Variants in IMMP2L observed in about 807,000 individuals in gnomAD.
IMMP2L encodes mitochondrial inner membrane protease subunit 2.
IMMP2L carries 18 observed loss-of-function variants against 19.3 expected under a neutral mutation model. That is an observed-to-expected ratio of 0.93 (90% CI 0.64 to 1.38). The LOEUF (loss-of-function observed/expected upper bound fraction) is 1.38, where lower values mean the gene tolerates loss of function less well. IMMP2L is among the 40% of genes most tolerant of loss of function. The pLI is 0.00. For synonymous variants in IMMP2L, 76 were observed against 73.0 expected (o/e 1.04, Z -0.21); for missense variants, 233 against 218.2 (o/e 1.07, Z -0.43).
At chr7:110,772,280 G>A (rs550075617) in intron 5 of IMMP2L, among the ~76,000 whole-genome samples, 1 of 152,272 alleles carries the variant, frequency 6.6e-6, no homozygotes, top group East Asian at 1.9e-4. Flanking sequence ...TATGGCATGA[G>A]GTCCCACATC....
intron 3 of IMMP2L, among the ~76,000 whole-genome samples, chr7:111,120,392 C>T (rs1800445889): frequency 6.6e-6 from 1 of 152,004 alleles, no homozygotes; most frequent in Non-Finnish European, 1.5e-5. Flanking sequence ...AGACATTTCC[C>T]CTATAAAAAC....
chr7:111,033,230 AATATC>A (rs1307014228), intron 3 of IMMP2L, among the ~76,000 whole-genome samples: 10 of 152,240 alleles, frequency 6.6e-5, no homozygotes, highest in African/African-American at 2.4e-4. Flanking sequence ...TGAAATGTTC[AATATC>A]ATATGTCATT....
At chr7:110,736,163 A>T (rs35965326) in intron 5 of IMMP2L, among the ~76,000 whole-genome samples, 2 of 151,908 alleles carry the variant, frequency 1.3e-5, no homozygotes, top group Non-Finnish European at 2.9e-5. Flanking sequence ...AGGCATGCAG[A>T]GTACAAGAGC....
At chr7:110,692,335 A>G (rs1303093731) in intron 5 of IMMP2L, among the ~76,000 whole-genome samples, 1 of 152,068 alleles carries the variant, frequency 6.6e-6, no homozygotes, top group Non-Finnish European at 1.5e-5. Context: ...GATGCTGGAG[A>G]CTCAGGAGGG....
chr7:111,423,768 C>A (rs563454305), intron 3 of IMMP2L, among the ~76,000 whole-genome samples: 19 of 151,740 alleles, frequency 1.3e-4, no homozygotes, highest in African/African-American at 4.4e-4. Flanking sequence ...CAAAAGCAAA[C>A]AAATTCAAAA....
At chr7:110,971,534 C>T (rs1011690543) in intron 3 of IMMP2L, among the ~76,000 whole-genome samples, 4 of 151,910 alleles carry the variant, frequency 2.6e-5, no homozygotes, top group African/African-American at 9.7e-5. Flanking sequence ...CCCCTGATGC[C>T]GTCACACAAT....
Position 111,123,560 on chromosome 7 carries a change from A to G in IMMP2L, c.240-159995T>C. 1 of 1,613,770 alleles carries G rather than the reference A, an allele frequency of 6.2e-7. No homozygotes were observed. Among genetic ancestry groups the G allele is most frequent in the East Asian group, 2.2e-5 (1 of 44,848 alleles). On this transcript the variant is annotated intron_variant, in intron 3 of 5. Coordinates refer to ENST00000405709, the MANE Select transcript of IMMP2L (RefSeq NM_032549.4). This position sits in a 1 kb window ranked among gnomAD's most constrained non-coding sequence, Gnocchi z 6.4. ...GCTCTTCAAAAAGTTGTAAATCTCA[A>G]ATTTTTGGATCTAAATAAAAATCCT...
intron 4 of IMMP2L, among the ~76,000 whole-genome samples, chr7:110,893,071 T>C (rs1474189309): frequency 6.6e-6 from 1 of 152,166 alleles, no homozygotes; most frequent in Admixed American, 6.6e-5. Flanking sequence ...TAAAGCAATA[T>C]TGCAACAAAG....
intron 2 of IMMP2L, among the ~76,000 whole-genome samples, chr7:111,514,508 T>TA (rs1265899222): frequency 1.3e-5 from 2 of 152,036 alleles, no homozygotes; most frequent in African/African-American, 4.8e-5. Flanking sequence ...CCCTAAAACT[T>TA]AAAGTATAAT....
intron 3 of IMMP2L, among the ~76,000 whole-genome samples, chr7:111,243,516 T>TTA (rs1554409664): frequency 3.8e-4 from 48 of 127,612 alleles, no homozygotes; most frequent in African/African-American, 1.5e-3. Context: ...GTTGCTTTAT[T>TTA]TTTTTTTTTT....
At chr7:111,000,949 A>G (rs1823611383) in intron 3 of IMMP2L, among the ~76,000 whole-genome samples, 1 of 152,216 alleles carries the variant, frequency 6.6e-6, no homozygotes, top group South Asian at 2.1e-4. Context: ...ATGTACCAGA[A>G]TGATAATAAA....
intron 3 of IMMP2L, among the ~76,000 whole-genome samples, chr7:111,195,473 A>T (rs1026163641): frequency 6.6e-6 from 1 of 152,124 alleles, no homozygotes; most frequent in African/African-American, 2.4e-5. Context: ...ACACTACTAG[A>T]AGTCAAAGTA....
chr7:111,142,787 C>T (rs1225723587), intron 3 of IMMP2L, among the ~76,000 whole-genome samples: 1 of 152,092 alleles, frequency 6.6e-6, no homozygotes, highest in Non-Finnish European at 1.5e-5. Context: ...GAGCAATATC[C>T]TATACCTGAG....
intron 1 of IMMP2L, among the ~76,000 whole-genome samples, chr7:111,525,818 T>C (rs1383323951): frequency 6.6e-6 from 1 of 152,060 alleles, no homozygotes; most frequent in Non-Finnish European, 1.5e-5. Flanking sequence ...AACAAGCAGA[T>C]GTGCTCCCTG....
At chr7:110,824,165 A>AT (rs1298469268) in intron 5 of IMMP2L, among the ~76,000 whole-genome samples, 1 of 152,076 alleles carries the variant, frequency 6.6e-6, no homozygotes, top group Non-Finnish European at 1.5e-5. Context: ...ACCTACATTA[A>AT]TTTTTTAAAC....
intron 3 of IMMP2L, among the ~76,000 whole-genome samples, chr7:111,026,642 C>T (rs1335160291): frequency 2.0e-5 from 3 of 152,050 alleles, no homozygotes; most frequent in Admixed American, 1.3e-4. Flanking sequence ...AAATTAGATG[C>T]ATTTCAATTT....
At chr7:111,493,535 T>C (rs1012997024) in intron 2 of IMMP2L, among the ~76,000 whole-genome samples, 8 of 150,128 alleles carry the variant, frequency 5.3e-5, no homozygotes, top group African/African-American at 1.7e-4. Flanking sequence ...ACCCCGTCTC[T>C]ACCAAAAATG....
chr7:111,079,527 T>A (rs7783424), intron 3 of IMMP2L, among the ~76,000 whole-genome samples: 143,839 of 152,312 alleles, frequency 0.94, 68,120 homozygotes, highest in East Asian at 0.99. Context: ...CTAGGAAGAC[T>A]AGTTTTGACC....
chr7:111,140,727 G>C (rs1802795797), intron 3 of IMMP2L, among the ~76,000 whole-genome samples: 1 of 152,114 alleles, frequency 6.6e-6, no homozygotes, highest in Non-Finnish European at 1.5e-5. Flanking sequence ...CCCAACCAAA[G>C]AAACTATTGC....
Sources: allele counts gnomAD v4.1 joint callset (sites outside exome capture counted in the v4.1 genomes callset), GRCh38; gene constraint gnomAD v4.1.1; non-coding constraint Gnocchi (gnomAD v3.1); transcripts MANE v1.5; gene names NCBI Gene and HGNC (gene_info 2026-07-23, HGNC 2026-07-21).